The following CDH4 variants were observed in gnomAD, a reference collection of about 807,000 sequenced individuals.
The protein encoded by CDH4 is cadherin-4.
Under a neutral mutation model 86.0 loss-of-function variants are expected in CDH4, and 33 were observed. The ratio of observed to expected loss-of-function variants is 0.38; its 90% confidence interval spans 0.29 to 0.51. The LOEUF is 0.51. CDH4 is among the 20% of genes least tolerant of loss of function. The pLI is 0.86. For synonymous variants in CDH4, 555 were observed against 549.4 expected (o/e 1.01, Z -0.14); for missense variants, 1,114 against 1,307.4 (o/e 0.85, Z 2.28).
At chr20:61,720,555 G>A (rs993869735) in intron 2 of CDH4, among the ~76,000 whole-genome samples, 5 of 139,348 alleles carry the variant, frequency 3.6e-5, no homozygotes, top group South Asian at 2.2e-4. Context: ...GTGTAGGGGT[G>A]CAGGGGTGCA....
intron 2 of CDH4, among the ~76,000 whole-genome samples, chr20:61,456,515 A>G (rs998443833): frequency 6.6e-6 from 1 of 152,222 alleles, no homozygotes; most frequent in Non-Finnish European, 1.5e-5. Flanking sequence ...GCTGCTATAC[A>G]TCTCTCAATG....
At chr20:61,391,891 G>T (rs540416667) in intron 2 of CDH4, among the ~76,000 whole-genome samples, 2 of 152,044 alleles carry the variant, frequency 1.3e-5, no homozygotes, top group African/African-American at 4.8e-5. Flanking sequence ...TCCGGGGCCT[G>T]CAGGGCTCTG....
At chr20:61,331,622 C>CTG (rs1568801073) in intron 2 of CDH4, among the ~76,000 whole-genome samples, 485 of 50,126 alleles carry the variant, frequency 9.7e-3, no homozygotes, top group African/African-American at 0.017. Flanking sequence ...GCCCCAGGCC[C>CTG]ACCTCCTGCC....
chr20:61,404,863 A>C (rs979436255), intron 2 of CDH4, among the ~76,000 whole-genome samples: 2 of 152,042 alleles, frequency 1.3e-5, no homozygotes, highest in Non-Finnish European at 2.9e-5. Context: ...ATCCTGGCTA[A>C]CACGGTGAAA....
rs1184319040 is a variant in CDH4 at position 61,399,201 on chromosome 20, C to T, written c.169+144264C>T. On this transcript the variant is annotated intron_variant, in intron 2 of 15. Transcript: ENST00000614565. ...ACTGCGGACTGCAGTGGCGCAATCT[C>T]GGCTCACTGCAAGCTCCGCTTCCCG... Among the ~76,000 whole-genome samples the T allele has an allele frequency of 4.4e-5, 2 of 45,612 alleles. 1 individual carries two copies. Among genetic ancestry groups the T allele is most frequent in the Non-Finnish European group, 8.0e-5 (2 of 24,992 alleles). The allele number at this position is 45,612 out of a possible 152,430, so 29.9% of individuals were successfully genotyped here.
At chr20:61,527,055 AGCTTTGGGATTACTT>A (rs2085916155) in intron 2 of CDH4, among the ~76,000 whole-genome samples, 1 of 152,226 alleles carries the variant, frequency 6.6e-6, no homozygotes, top group Non-Finnish European at 1.5e-5. Flanking sequence ...GTGTCTCTCT[AGCTTTGGGATTACTT>A]GCTAACGCTG....
rs1435127717 is a variant in CDH4 at position 61,383,192 on chromosome 20, A to C, written c.169+128255A>C. Among the ~76,000 whole-genome samples, 62 of 82,992 alleles carry C rather than the reference A, an allele frequency of 7.5e-4. 6 individuals carry two copies. Among genetic ancestry groups the C allele is most frequent in the Middle Eastern group, 0.011 (2 of 188 alleles). The allele number at this position is 82,992 out of a possible 152,430, so 54.4% of individuals were successfully genotyped here. ...ATGAATATATTTATGAATATATATG[A>C]ATATATTTATATATGAATATATATG... On this transcript the variant is annotated intron_variant, in intron 2 of 15. Transcript: ENST00000614565.
intron 4 of CDH4, among the ~76,000 whole-genome samples, chr20:61,836,067 C>G (rs183869678): frequency 2.4e-3 from 363 of 152,352 alleles, no homozygotes; most frequent in African/African-American, 8.2e-3. Context: ...AGGGCTCCAT[C>G]TGTGTTTCCA....
At position 61,844,844 on chromosome 20, in the gene CDH4, G is replaced by A. The variant is rs774072425; in HGVS notation, c.732+21G>A. 7 of 1,599,776 alleles carry A rather than the reference G, an allele frequency of 4.4e-6. No individual in the cohort carries two copies. In the South Asian group the frequency reaches 6.7e-5, roughly 15 times the overall value. ...ACCACGTGAGTGTCCACACCCGGCT[G>A]AGAATGGGGCCCTGGGGTGGCGATC... On this transcript the variant is annotated intron_variant, in intron 5 of 15. Transcript: ENST00000614565.
chr20:61,632,968 A>G (rs1307284704), intron 2 of CDH4, among the ~76,000 whole-genome samples: 2 of 149,792 alleles, frequency 1.3e-5, no homozygotes, highest in Non-Finnish European at 3.0e-5. Flanking sequence ...ACAACCATAT[A>G]CCCACCCATC....
At chr20:61,634,300 C>T (rs998390331) in intron 2 of CDH4, among the ~76,000 whole-genome samples, 2 of 152,176 alleles carry the variant, frequency 1.3e-5, no homozygotes, top group Admixed American at 6.5e-5. Context: ...TGAACACACA[C>T]GCAGCACCTT....
Position 61,879,867 on chromosome 20 carries a change from TC to T in CDH4, c.1050+5969del, listed in dbSNP as rs1210118540. On this transcript the variant is annotated intron_variant, in intron 7 of 15. Transcript: ENST00000614565. The surrounding 1 kb of genome is among the most constrained non-coding windows in gnomAD (Gnocchi z 4.1). ...GTTGATTTTGTTATTAGAAACTGAA[TC>T]CGGCCTTCCGGTCCTATCACAAGAG... 6.6e-6 allele frequency among the ~76,000 whole-genome samples: 1 copy of T among 152,118 alleles called. No homozygotes were observed. Among genetic ancestry groups the T allele is most frequent in the East Asian group, 1.9e-4 (1 of 5,172 alleles).
intron 2 of CDH4, among the ~76,000 whole-genome samples, chr20:61,715,907 T>TTGGG (rs2087947422): frequency 6.6e-6 from 1 of 152,142 alleles, no homozygotes; most frequent in Non-Finnish European, 1.5e-5. Flanking sequence ...GCCCCTGCGA[T>TTGGG]TGGGTGGCCC....
At chr20:61,555,986 A>G (rs1437635604) in intron 2 of CDH4, among the ~76,000 whole-genome samples, 1 of 152,200 alleles carries the variant, frequency 6.6e-6, no homozygotes, top group African/African-American at 2.4e-5. Flanking sequence ...TTGTGTATGT[A>G]CCGCCCTGTG....
chr20:61,256,238 G>A (rs539157314), intron 2 of CDH4, among the ~76,000 whole-genome samples: 2 of 152,284 alleles, frequency 1.3e-5, no homozygotes, highest in Admixed American at 6.5e-5. Flanking sequence ...CTTATAACTC[G>A]TGGGGCACTG....
At chr20:61,670,622 C>T (rs564284801) in intron 2 of CDH4, among the ~76,000 whole-genome samples, 4 of 152,204 alleles carry the variant, frequency 2.6e-5, no homozygotes, top group Non-Finnish European at 5.9e-5. Context: ...GGAAAAAGTG[C>T]AAAGCACTTG....
chr20:61,263,674 T>C (rs913609069), intron 2 of CDH4, among the ~76,000 whole-genome samples: 4 of 152,344 alleles, frequency 2.6e-5, no homozygotes, highest in Middle Eastern at 3.4e-3. Context: ...TCCCCACATA[T>C]GTAGCAGCTT....
chr20:61,307,230 G>A (rs1299186332), intron 2 of CDH4, among the ~76,000 whole-genome samples: 3 of 152,234 alleles, frequency 2.0e-5, no homozygotes, highest in Admixed American at 6.5e-5. Flanking sequence ...GCACCTACAT[G>A]CTCCAACACG....
intron 2 of CDH4, among the ~76,000 whole-genome samples, chr20:61,276,892 C>T (rs1236706439): frequency 6.6e-6 from 1 of 152,202 alleles, no homozygotes; most frequent in Non-Finnish European, 1.5e-5. Flanking sequence ...TAGTTGTAGT[C>T]ATCTTTGTCC....
Sources: gnomAD v4.1 joint callset for allele counts (sites outside exome capture counted in the v4.1 genomes callset) on GRCh38, gnomAD v4.1.1 for gene constraint, Gnocchi (gnomAD v3.1) non-coding constraint, MANE v1.5 for transcripts, NCBI Gene and HGNC (gene_info 2026-07-23, HGNC 2026-07-21) for gene names.